Variants in GALNT13 observed in about 807,000 individuals in gnomAD.
GALNT13 encodes the protein UDP-GalNAc:polypeptide N-acetylgalactosaminyltransferase 13.
Under a neutral mutation model 64.2 loss-of-function variants are expected in GALNT13, and 28 were observed. That is an observed-to-expected ratio of 0.44 (90% confidence interval 0.32 to 0.60). GALNT13 has a LOEUF of 0.60. Ranked by LOEUF, GALNT13 falls within the 20% of genes least tolerant of loss-of-function variation. GALNT13 has a pLI of 0.05. For synonymous variants in GALNT13, 214 were observed against 224.6 expected (o/e 0.95, Z 0.42); for missense variants, 577 against 669.8 (o/e 0.86, Z 1.53).
At chr2:153,788,422 G>T in the GALNT13 span, among the ~76,000 whole-genome samples, 2 of 150,732 alleles carry the variant, frequency 1.3e-5, no homozygotes, top group Non-Finnish European at 3.0e-5. Context: ...TTTATCACCA[G>T]ACATGCCTTA....
the GALNT13 span, among the ~76,000 whole-genome samples, chr2:153,117,192 A>G: frequency 2.6e-5 from 4 of 152,172 alleles, no homozygotes; most frequent in African/African-American, 7.2e-5. Flanking sequence ...TGCTTGAAAC[A>G]CAGGCCTCTT....
the GALNT13 span, among the ~76,000 whole-genome samples, chr2:153,789,241 C>A: frequency 2.6e-5 from 4 of 152,054 alleles, no homozygotes; most frequent in Non-Finnish European, 5.9e-5. Context: ...GAAATGACAC[C>A]AAACACACTC....
the GALNT13 span, among the ~76,000 whole-genome samples, chr2:153,107,769 G>T: frequency 6.6e-6 from 1 of 152,108 alleles, no homozygotes; most frequent in South Asian, 2.1e-4. Context: ...TTGAGAATGC[G>T]TGTGGGTGGA....
chr2:154,051,404 C>T (rs1373372468), intron 3 of GALNT13, among the ~76,000 whole-genome samples: 1 of 150,604 alleles, frequency 6.6e-6, no homozygotes, highest in Non-Finnish European at 1.5e-5. Context: ...CATTCTCCTG[C>T]CTCAGCCTCC....
the GALNT13 span, among the ~76,000 whole-genome samples, chr2:153,205,818 CTT>C: frequency 6.6e-6 from 1 of 151,944 alleles, no homozygotes. Flanking sequence ...GCAAAACTGG[CTT>C]TGTTTCAAAG....
chr2:153,177,660 G>A, the GALNT13 span, among the ~76,000 whole-genome samples: 1 of 152,010 alleles, frequency 6.6e-6, no homozygotes, highest in South Asian at 2.1e-4. Context: ...CATATAATGT[G>A]GAATAATTTA....
At position 154,105,963 on chromosome 2, in the gene GALNT13, A is replaced by G. The variant is rs574161421; in HGVS notation, c.143-34374A>G. Among the ~76,000 whole-genome samples the G allele has an allele frequency of 3.3e-5, 5 of 152,324 alleles. No homozygotes were observed. In the South Asian group the frequency reaches 1.0e-3, roughly 32 times the overall value. Reference sequence around the variant, plus strand: ...ACTCATATAATCAGTAAGTCAAGGAAGCAAAAAAATGACAAACTAAGAGAA... The same window carrying G: ...ACTCATATAATCAGTAAGTCAAGGAGGCAAAAAAATGACAAACTAAGAGAA... On this transcript the variant is annotated intron_variant, in intron 3 of 12. Coordinates refer to ENST00000392825, the MANE Select transcript of GALNT13 (RefSeq NM_052917.4).
chr2:154,162,972 C>T (rs1684819878), intron 4 of GALNT13, among the ~76,000 whole-genome samples: 1 of 147,516 alleles, frequency 6.8e-6, no homozygotes. Flanking sequence ...TTTTATTTTT[C>T]TATTTTTTTT....
At chr2:153,614,580 T>C in the GALNT13 span, among the ~76,000 whole-genome samples, 2 of 152,044 alleles carry the variant, frequency 1.3e-5, no homozygotes, top group Non-Finnish European at 2.9e-5. Flanking sequence ...ATTTGAACAG[T>C]GACTGGGGTA....
At chr2:153,681,619 G>A in the GALNT13 span, among the ~76,000 whole-genome samples, 1 of 151,800 alleles carries the variant, frequency 6.6e-6, no homozygotes, top group Admixed American at 6.6e-5. Flanking sequence ...TCTCTCCTCA[G>A]AGAAGTCTTT....
At chr2:154,224,924 A>T (rs1688508983) in intron 4 of GALNT13, among the ~76,000 whole-genome samples, 1 of 152,144 alleles carries the variant, frequency 6.6e-6, no homozygotes, top group Non-Finnish European at 1.5e-5. Context: ...TTAAATGAAA[A>T]GACAAACGTC....
the GALNT13 span, among the ~76,000 whole-genome samples, chr2:153,676,119 G>T: frequency 1.3e-5 from 2 of 151,722 alleles, no homozygotes; most frequent in African/African-American, 2.4e-5. Flanking sequence ...CCATTATCTA[G>T]ATTAATAATG....
the GALNT13 span, among the ~76,000 whole-genome samples, chr2:153,213,023 C>A: frequency 6.6e-6 from 1 of 152,158 alleles, no homozygotes; most frequent in Non-Finnish European, 1.5e-5. Flanking sequence ...TTGAACACTG[C>A]CTAATGAAAT....
At chr2:153,724,306 A>G in the GALNT13 span, among the ~76,000 whole-genome samples, 1 of 137,440 alleles carries the variant, frequency 7.3e-6, no homozygotes, top group Non-Finnish European at 1.5e-5. Flanking sequence ...AAATCAATTC[A>G]AGATGGATTA....
At chr2:153,563,752 T>G in the GALNT13 span, among the ~76,000 whole-genome samples, 1 of 151,932 alleles carries the variant, frequency 6.6e-6, no homozygotes, top group African/African-American at 2.4e-5. Context: ...TTCATAGAAG[T>G]TTTCCTCCCC....
chr2:153,873,096 T>C (rs1686098820), intron 1 of GALNT13, among the ~76,000 whole-genome samples: 2 of 152,214 alleles, frequency 1.3e-5, no homozygotes, highest in African/African-American at 4.8e-5. Flanking sequence ...GTCATCTCTC[T>C]GCCCCGTCTT....
the GALNT13 span, among the ~76,000 whole-genome samples, chr2:153,755,823 A>G: frequency 1.3e-5 from 2 of 152,142 alleles, no homozygotes; most frequent in African/African-American, 4.8e-5. Flanking sequence ...CCAAGATATC[A>G]TTACAATAAG....
rs1683996629 is a variant in GALNT13, at chr2:154,151,229, G to T, written c.311+10724G>T. Among the ~76,000 whole-genome samples, 6 of 152,238 alleles carry T rather than the reference G, an allele frequency of 3.9e-5. No homozygotes were observed. In the South Asian group the frequency reaches 1.2e-3, roughly 32 times the overall value. On this transcript the variant is annotated intron_variant, in intron 4 of 12. Coordinates refer to ENST00000392825, the MANE Select transcript of GALNT13 (RefSeq NM_052917.4). ...GAGCAGGTTGTTCAGTTTCCATGTA[G>T]TTGAGCAGTTTTGAGTGCGTTTTTT...
At chr2:154,043,868 C>A (rs912567037) in intron 3 of GALNT13, among the ~76,000 whole-genome samples, 5 of 151,782 alleles carry the variant, frequency 3.3e-5, no homozygotes, top group African/African-American at 1.2e-4. Flanking sequence ...ATTAAGAGGC[C>A]CAGGTTGGTA....
Sources: allele counts gnomAD v4.1 joint callset (sites outside exome capture counted in the v4.1 genomes callset), GRCh38; gene constraint gnomAD v4.1.1; transcripts MANE v1.5; gene names NCBI Gene and HGNC (gene_info 2026-07-23, HGNC 2026-07-21).